FHIT: variants seen among roughly 807,000 people sequenced by gnomAD.
FHIT encodes fragile histidine triad diadenosine triphosphatase, also known as bis(5'-adenosyl)-triphosphatase.
Under a neutral mutation model 17.9 loss-of-function variants are expected in FHIT, and 19 were observed. The ratio of observed to expected loss-of-function variants is 1.06; its 90% CI spans 0.74 to 1.56. FHIT has a LOEUF of 1.56. Ranked by LOEUF, FHIT falls within the 40% of genes most tolerant of loss-of-function variation. The pLI is 0.00. For missense variants in FHIT, 248 were observed against 189.2 expected (o/e 1.31, Z -1.82); for synonymous variants, 81 against 69.7 (o/e 1.16, Z -0.81).
intron 3 of FHIT, among the ~76,000 whole-genome samples, chr3:60,985,573 G>A (rs917068068): frequency 5.3e-5 from 8 of 152,046 alleles, no homozygotes; most frequent in East Asian, 1.9e-4. Context: ...ATGTACAGAC[G>A]GGTACAATTC....
chr3:59,997,882 A>C (rs754925353), intron 7 of FHIT, among the ~76,000 whole-genome samples: 4 of 152,090 alleles, frequency 2.6e-5, no homozygotes, highest in Non-Finnish European at 5.9e-5. Context: ...TGCTGTGGCT[A>C]TCTTTTATTT....
rs1324914613 is a variant in FHIT, at chr3:60,027,130, C to G, written c.104-12978G>C. ...ACAGACACACACACACACACACACA[C>G]ACACACACACACACACACAAAATTA... On this transcript the variant is annotated intron_variant, in intron 5 of 9. Coordinates refer to ENST00000492590, the MANE Select transcript of FHIT (RefSeq NM_002012.4). 1.3e-3 allele frequency among the ~76,000 whole-genome samples: 165 copies of G among 125,968 alleles called. 1 individual carries two copies. Among genetic ancestry groups the G allele is most frequent in the African/African-American group, 5.2e-3 (159 of 30,770 alleles). The allele number at this position is 125,968 out of a possible 152,430, so 82.6% of individuals were successfully genotyped here.
chr3:60,202,303 T>C (rs1482063321), intron 5 of FHIT, among the ~76,000 whole-genome samples: 1 of 152,222 alleles, frequency 6.6e-6, no homozygotes, highest in East Asian at 1.9e-4. Context: ...CTGAAGTCAA[T>C]GGATGCTATT....
intron 4 of FHIT, among the ~76,000 whole-genome samples, chr3:60,575,690 T>G (rs1328547415): frequency 6.6e-6 from 1 of 152,178 alleles, no homozygotes; most frequent in Non-Finnish European, 1.5e-5. Flanking sequence ...TTCCAGTTCT[T>G]GGAGAGATGC....
chr3:59,944,550 G>A (rs115270610), intron 7 of FHIT, among the ~76,000 whole-genome samples: 1 of 151,446 alleles, frequency 6.6e-6, no homozygotes, highest in East Asian at 1.9e-4. Flanking sequence ...TTAGGTTCAA[G>A]AGTTTAAGCG....
At chr3:59,998,332 T>A (rs1358540819) in intron 7 of FHIT, among the ~76,000 whole-genome samples, 1 of 151,996 alleles carries the variant, frequency 6.6e-6, no homozygotes, top group Non-Finnish European at 1.5e-5. Context: ...CGACTTCAGG[T>A]TAGATCTTCA....
chr3:60,075,379 C>A (rs1442423562), intron 5 of FHIT, among the ~76,000 whole-genome samples: 2 of 152,030 alleles, frequency 1.3e-5, no homozygotes, highest in Non-Finnish European at 2.9e-5. Flanking sequence ...CCAAGAGGCT[C>A]AAAAATATAC....
intron 5 of FHIT, among the ~76,000 whole-genome samples, chr3:60,246,875 T>C (rs1428593145): frequency 6.6e-6 from 1 of 152,118 alleles, no homozygotes; most frequent in Non-Finnish European, 1.5e-5. Context: ...ATGATTCTCC[T>C]AAACAGCTGA....
intron 4 of FHIT, among the ~76,000 whole-genome samples, chr3:60,563,751 G>C (rs2107648453): frequency 6.6e-6 from 1 of 152,312 alleles, no homozygotes; most frequent in African/African-American, 2.4e-5. Context: ...TATGAAGTCT[G>C]AGAGAGGTGA....
chr3:59,902,901 A>C (rs1704397795), intron 8 of FHIT, among the ~76,000 whole-genome samples: 1 of 152,198 alleles, frequency 6.6e-6, no homozygotes, highest in Admixed American at 6.5e-5. Context: ...ATGATAATAT[A>C]TTGTATACTT....
chr3:60,247,577 T>G (rs1317900661), intron 5 of FHIT, among the ~76,000 whole-genome samples: 1 of 152,164 alleles, frequency 6.6e-6, no homozygotes, highest in African/African-American at 2.4e-5. Context: ...ACAGCAGTAA[T>G]CTTATCTTAA....
chr3:60,582,803 G>C (rs77338101), intron 4 of FHIT, among the ~76,000 whole-genome samples: 5 of 152,176 alleles, frequency 3.3e-5, no homozygotes, highest in Admixed American at 2.0e-4. Context: ...TAGGTTTACT[G>C]TGTGTCAGAT....
intron 5 of FHIT, among the ~76,000 whole-genome samples, chr3:60,260,303 C>G (rs1332034904): frequency 6.6e-6 from 1 of 150,896 alleles, no homozygotes; most frequent in Non-Finnish European, 1.5e-5. Flanking sequence ...TTAAAAGCCT[C>G]AGTTACTGGA....
At chr3:59,912,075 G>A (rs1704905947) in intron 8 of FHIT, among the ~76,000 whole-genome samples, 1 of 152,120 alleles carries the variant, frequency 6.6e-6, no homozygotes, top group Admixed American at 6.5e-5. Context: ...GTCTGCCTAT[G>A]CCTCCGTTTC....
chr3:60,130,789 G>GTGTATATA (rs1559660689), intron 5 of FHIT, among the ~76,000 whole-genome samples: 10 of 135,996 alleles, frequency 7.4e-5, no homozygotes, highest in South Asian at 2.4e-4. Context: ...TGTGTGGTGT[G>GTGTATATA]TATATACACA....
chr3:60,034,140 T>G (rs896572801), intron 5 of FHIT, among the ~76,000 whole-genome samples: 1 of 152,248 alleles, frequency 6.6e-6, no homozygotes, highest in East Asian at 1.9e-4. Context: ...GTACTCTAAC[T>G]GTCCCTGCTG....
At chr3:60,365,298 T>C (rs948247958) in intron 5 of FHIT, among the ~76,000 whole-genome samples, 1 of 151,994 alleles carries the variant, frequency 6.6e-6, no homozygotes, top group Non-Finnish European at 1.5e-5. Context: ...CCAGATATAC[T>C]TTGAATGTAA....
At chr3:60,747,826 G>T (rs181705942) in intron 4 of FHIT, among the ~76,000 whole-genome samples, 1 of 152,228 alleles carries the variant, frequency 6.6e-6, no homozygotes, top group South Asian at 2.1e-4. Context: ...ATTTTTCAAG[G>T]TTATATAATC....
intron 5 of FHIT, among the ~76,000 whole-genome samples, chr3:60,364,020 C>T (rs1055038776): frequency 3.3e-5 from 5 of 152,150 alleles, no homozygotes; most frequent in Admixed American, 3.3e-4. Context: ...ATCCCAGTAA[C>T]TCATGCAGTC....
Sources: allele counts gnomAD v4.1 joint callset (sites outside exome capture counted in the v4.1 genomes callset), GRCh38; gene constraint gnomAD v4.1.1; transcripts MANE v1.5; gene names NCBI Gene and HGNC (gene_info 2026-07-23, HGNC 2026-07-21).